Variants in SPEF2 observed in about 807,000 individuals in gnomAD.
SPEF2 encodes sperm flagella and cilia-associated protein 2.
In SPEF2, 187 loss-of-function variants were observed where a neutral mutation model predicts 224.6. The observed-to-expected ratio is 0.83, with a 90% confidence interval of 0.74 to 0.94. The LOEUF is 0.94. Ranked by LOEUF, SPEF2 falls within the 40% of genes least tolerant of loss-of-function variation. The pLI, the probability that SPEF2 is intolerant of heterozygous loss-of-function variation, is 0.00. For synonymous variants in SPEF2, 715 were observed against 707.3 expected (o/e 1.01, Z -0.17); for missense variants, 2,170 against 2,135.6 (o/e 1.02, Z -0.32).
chr5:35,685,395 GAGTA>G (rs999982412), intron 10 of SPEF2, among the ~76,000 whole-genome samples: 5 of 152,070 alleles, frequency 3.3e-5, no homozygotes, highest in African/African-American at 9.7e-5. Flanking sequence ...CTTATATTCT[GAGTA>G]AGTGTGTTTT....
At chr5:35,782,497 A>G (rs1192584848) in intron 30 of SPEF2, among the ~76,000 whole-genome samples, 13 of 152,184 alleles carry the variant, frequency 8.5e-5, no homozygotes, top group Admixed American at 8.5e-4. Context: ...AACAGCCATT[A>G]TGTTACTAGG....
intron 16 of SPEF2, chr5:35,702,056 A>T (rs6873927): frequency 0.52 from 210,370 of 407,904 alleles, 55,881 homozygotes; most frequent in Middle Eastern, 0.58. Flanking sequence ...TAGAAGCAGC[A>T]GCTAATGGAG....
chr5:35,761,923 G>A (rs139095293), intron 25 of SPEF2, among the ~76,000 whole-genome samples: 46 of 152,126 alleles, frequency 3.0e-4, no homozygotes, highest in African/African-American at 1.0e-3. Context: ...GGTACCTACT[G>A]GAACTATCAG....
Position 35,740,049 on chromosome 5 carries a change from A to G in SPEF2, c.3191+3A>G, listed in dbSNP as rs746048853. 2.2e-5 allele frequency: 36 copies of G among 1,614,022 alleles called. No homozygotes were observed. Among genetic ancestry groups the G allele is most frequent in the Non-Finnish European group, 3.1e-5 (36 of 1,180,014 alleles). On this transcript the variant is annotated splice_donor_region_variant and intron_variant, in intron 22 of 36. Transcript: ENST00000356031. ...CTTGCTTACTTATATGAGATTAGGT[A>G]AGTAATGTTTCCAAAGTCAGAATTT... is the stretch of plus-strand genomic sequence containing the variant.
intron 28 of SPEF2, 29 bp downstream of exon 28, chr5:35,774,050 T>C: frequency 6.2e-7 from 1 of 1,604,832 alleles, no homozygotes; most frequent in Non-Finnish European, 8.5e-7. Context: ...AAGATGATGC[T>C]TTTCAGTAGA....
rs143871804 is a variant in SPEF2 at position 35,770,030 on chromosome 5, C to CGTGTGT, written c.3802-1562_3802-1557dup. 5.4e-3 allele frequency among the ~76,000 whole-genome samples: 771 copies of CGTGTGT among 142,304 alleles called. 6 individuals are homozygous for CGTGTGT. The highest frequency in any genetic ancestry group is 0.013 in the African/African-American group (508 of 37,788). The allele number at this position is 142,304 out of a possible 152,430, so 93.4% of individuals were successfully genotyped here. A position where few individuals can be genotyped will look rare whatever the true frequency, so the allele number is the denominator to read the frequency against. ...GTGTGTGTGTGTGTGTGTGCATGTG[C>CGTGTGT]GTGTGTGTGTGTGTGTGTGTGTTGT... On this transcript the variant is annotated intron_variant, in intron 26 of 36. Transcript: ENST00000356031.
intron 30 of SPEF2, among the ~76,000 whole-genome samples, chr5:35,783,388 A>T (rs1253905237): frequency 6.6e-6 from 1 of 152,164 alleles, no homozygotes; most frequent in Non-Finnish European, 1.5e-5. Flanking sequence ...AATGATACTT[A>T]TTCCATGTAT....
intron 26 of SPEF2, among the ~76,000 whole-genome samples, chr5:35,764,293 C>A (rs1454973569): frequency 6.6e-6 from 1 of 152,022 alleles, no homozygotes; most frequent in African/African-American, 2.4e-5. Flanking sequence ...TTATTATTAT[C>A]CAATTTACGA....
chr5:35,739,275 T>C (rs981048454), intron 21 of SPEF2, among the ~76,000 whole-genome samples: 3 of 152,208 alleles, frequency 2.0e-5, no homozygotes, highest in African/African-American at 7.2e-5. Flanking sequence ...ATGTTACAAT[T>C]AACGTCATCA....
chr5:35,715,492 T>C (rs1422494337), intron 20 of SPEF2, among the ~76,000 whole-genome samples: 1 of 152,152 alleles, frequency 6.6e-6, no homozygotes, highest in Non-Finnish European at 1.5e-5. Context: ...CACTACATCA[T>C]TCCGTGGCCC....
At chr5:35,801,440 G>T (rs1328506178) in intron 34 of SPEF2, among the ~76,000 whole-genome samples, 1 of 151,984 alleles carries the variant, frequency 6.6e-6, no homozygotes, top group Non-Finnish European at 1.5e-5. Context: ...TTGAACCTGG[G>T]AGGCAGAGGT....
chr5:35,723,251 A>C (rs1448614057), intron 20 of SPEF2, among the ~76,000 whole-genome samples: 1 of 152,238 alleles, frequency 6.6e-6, no homozygotes, highest in African/African-American at 2.4e-5. Flanking sequence ...CAAAAGTGAA[A>C]GGAAATTGAA....
At chr5:35,760,210 A>C (rs926215932) in intron 25 of SPEF2, among the ~76,000 whole-genome samples, 29 of 152,004 alleles carry the variant, frequency 1.9e-4, no homozygotes, top group Non-Finnish European at 4.4e-5. Flanking sequence ...AAATACAAAA[A>C]AAATTAGCCG....
rs139387194 is a variant in SPEF2, at chr5:35,736,468, AGTGTGTGT to A, written c.3064-3427_3064-3420del. 1.9e-3 allele frequency among the ~76,000 whole-genome samples: 279 copies of A among 149,228 alleles called. 2 individuals are homozygous for A. The highest frequency in any genetic ancestry group is 5.8e-3 in the African/African-American group (238 of 40,694). On this transcript the variant is annotated intron_variant, in intron 21 of 36. Coordinates refer to ENST00000356031, the MANE Select transcript of SPEF2 (RefSeq NM_024867.4). Reference sequence around the variant, plus strand: ...TTAACTACATGGAGGCAAGTGACAGAGTGTGTGTGTGTGTGTGTGTGTGTGTGTGTGAA... The same window carrying A: ...TTAACTACATGGAGGCAAGTGACAGAGTGTGTGTGTGTGTGTGTGTGTGAA...
chr5:35,744,652 A>T (rs935086266), intron 23 of SPEF2, among the ~76,000 whole-genome samples: 26 of 152,108 alleles, frequency 1.7e-4, no homozygotes, highest in African/African-American at 6.0e-4. Flanking sequence ...TAAAAAATAT[A>T]TAAAGAGGAG....
At chr5:35,652,411 T>C (rs1231338481) in intron 6 of SPEF2, among the ~76,000 whole-genome samples, 1 of 152,182 alleles carries the variant, frequency 6.6e-6, no homozygotes, top group Non-Finnish European at 1.5e-5. Context: ...CTAAAAGTGT[T>C]ACGCTACACA....
At chr5:35,659,268 G>C in intron 8 of SPEF2, 61 bp downstream of exon 8, 1 of 1,462,168 alleles carries the variant, frequency 6.8e-7, no homozygotes, top group Middle Eastern at 1.8e-4. Flanking sequence ...CTACCAAGTC[G>C]TGGTAAACAA....
At chr5:35,629,152 T>TTTTTTTTTTTTC (rs1744713411) in intron 2 of SPEF2, among the ~76,000 whole-genome samples, 1 of 76,646 alleles carries the variant, frequency 1.3e-5, no homozygotes, top group African/African-American at 8.7e-5. Flanking sequence ...CGATTGTTCC[T>TTTTTTTTTTTTC]TTTTTTTTTT....
intron 23 of SPEF2, among the ~76,000 whole-genome samples, chr5:35,741,788 A>G (rs1014053716): frequency 1.3e-5 from 2 of 152,194 alleles, no homozygotes; most frequent in Non-Finnish European, 2.9e-5. Flanking sequence ...CTCCTCAAAG[A>G]GTAATTCATA....
Sources: allele counts gnomAD v4.1 joint callset (sites outside exome capture counted in the v4.1 genomes callset), GRCh38; gene constraint gnomAD v4.1.1; transcripts MANE v1.5; gene names NCBI Gene and HGNC (gene_info 2026-07-23, HGNC 2026-07-21).